Variants in CUEDC1 observed in about 807,000 individuals in gnomAD.
CUEDC1 encodes the protein CUE domain containing 1, also known as CUE domain-containing protein 1.
Under a neutral mutation model 43.7 loss-of-function variants are expected in CUEDC1, and 30 were observed. The ratio of observed to expected loss-of-function variants is 0.69; its 90% CI spans 0.51 to 0.93. The LOEUF (loss-of-function observed/expected upper bound fraction) is 0.93. CUEDC1 is among the 40% of genes least tolerant of loss of function. CUEDC1 has a pLI of 0.00. For missense variants in CUEDC1, 486 were observed against 549.0 expected, an observed-to-expected ratio of 0.89 and a Z score of 1.15; for synonymous variants, 223 against 223.6, an observed-to-expected ratio of 1.00 and a Z score of 0.02.
At chr17:57,916,645 C>G (rs1048636239) in intron 1 of CUEDC1, among the ~76,000 whole-genome samples, 1 of 152,132 alleles carries the variant, frequency 6.6e-6, no homozygotes, top group Admixed American at 6.6e-5. Flanking sequence ...GATCTAGAAG[C>G]CACACTGGGA....
chr17:57,911,806 C>T (rs2074586499), intron 1 of CUEDC1, among the ~76,000 whole-genome samples: 1 of 152,154 alleles, frequency 6.6e-6, no homozygotes, highest in Non-Finnish European at 1.5e-5. Context: ...CGTGCCCGTC[C>T]CTATCAGCTC....
At chr17:57,949,125 C>A (rs1218845261) in intron 1 of CUEDC1, among the ~76,000 whole-genome samples, 1 of 152,180 alleles carries the variant, frequency 6.6e-6, no homozygotes, top group Admixed American at 6.5e-5. Flanking sequence ...GATCAAAAGC[C>A]CAGGAGGCAG....
intron 1 of CUEDC1, among the ~76,000 whole-genome samples, chr17:57,888,668 C>T (rs1024785317): frequency 6.6e-6 from 1 of 152,252 alleles, no homozygotes; most frequent in Non-Finnish European, 1.5e-5. Flanking sequence ...TGACAGCTGC[C>T]TTTGTCCTGG....
At chr17:57,925,886 G>A (rs111761787) in intron 1 of CUEDC1, among the ~76,000 whole-genome samples, 5,530 of 152,318 alleles carry the variant, frequency 0.036, 120 homozygotes, top group Middle Eastern at 0.068. Flanking sequence ...CGAGCTCAGC[G>A]TTCACCTGAC....
At chr17:57,905,618 A>T (rs1220257747) in intron 1 of CUEDC1, among the ~76,000 whole-genome samples, 1 of 152,238 alleles carries the variant, frequency 6.6e-6, no homozygotes, top group Non-Finnish European at 1.5e-5. Flanking sequence ...GGAACCACCC[A>T]CTTGTCTCTC....
intron 1 of CUEDC1, among the ~76,000 whole-genome samples, chr17:57,938,222 C>T (rs758086798): frequency 6.6e-6 from 1 of 152,214 alleles, no homozygotes; most frequent in African/African-American, 2.4e-5. Context: ...CATCCTTTCT[C>T]CATTACACAG....
intron 1 of CUEDC1, among the ~76,000 whole-genome samples, chr17:57,896,487 G>GGGGGGGGGTGGGT (rs375270781): frequency 7.7e-6 from 1 of 130,372 alleles, no homozygotes; most frequent in Non-Finnish European, 1.6e-5. Flanking sequence ...TGCATTATGG[G>GGGGGGGGGTGGGT]GTGTGTGTGT....
chr17:57,945,276 C>T (rs2074950273), intron 1 of CUEDC1, among the ~76,000 whole-genome samples: 1 of 152,176 alleles, frequency 6.6e-6, no homozygotes, highest in Non-Finnish European at 1.5e-5. Flanking sequence ...TCAATGAAAA[C>T]ATCTAAAAAC....
chr17:57,872,511 C>A (rs950302953), intron 5 of CUEDC1, 152 bp downstream of exon 5: 5 of 830,414 alleles, frequency 6.0e-6, no homozygotes, highest in Non-Finnish European at 9.3e-6. Context: ...CTGAGGCTCC[C>A]ATGGGATAAC....
rs538117696 is a variant in CUEDC1 at position 57,925,163 on chromosome 17, A to G, written c.-316+30062T>C. The stretch of plus-strand genomic sequence containing the variant: ...GAGGGAAATATAACCAAATGTTTTC[A>G]GCCGTAGTACTGAAATTATCAGAAT... On this transcript the variant is annotated intron_variant, in intron 1 of 10. Transcript: ENST00000577830. Among the ~76,000 whole-genome samples, 18 of 151,938 alleles carry G rather than the reference A, an allele frequency of 1.2e-4. No homozygotes were observed. The South Asian group carries it at 3.7e-3, about 32-fold the overall frequency.
At chr17:57,871,463 G>A in intron 5 of CUEDC1, 94 bp from the exon 6 acceptor site, 9 of 1,000,480 alleles carry the variant, frequency 9.0e-6, no homozygotes, top group Non-Finnish European at 1.6e-6. Context: ...TAGAGGCTAA[G>A]TCCCCAGAAT....
At chr17:57,867,304 G>A in intron 9 of CUEDC1, 53 bp downstream of exon 9, 2 of 1,513,336 alleles carry the variant, frequency 1.3e-6, no homozygotes, top group South Asian at 2.4e-5. Flanking sequence ...AACTCCGCTG[G>A]GAGATCACCG....
At chr17:57,902,212 CAAAAAACAAAAAAA>C (rs1567711615) in intron 1 of CUEDC1, among the ~76,000 whole-genome samples, 1 of 151,116 alleles carries the variant, frequency 6.6e-6, no homozygotes, top group African/African-American at 2.4e-5. Context: ...AAACAAAAAA[CAAAAAACAAAAAAA>C]ACCATGATGC....
intron 1 of CUEDC1, among the ~76,000 whole-genome samples, chr17:57,915,773 G>C (rs1266686706): frequency 6.6e-6 from 1 of 152,182 alleles, no homozygotes; most frequent in Non-Finnish European, 1.5e-5. Flanking sequence ...GGAACAGAAG[G>C]CTCCCTAATA....
At chr17:57,895,776 A>C (rs1220613739) in intron 1 of CUEDC1, among the ~76,000 whole-genome samples, 2 of 152,148 alleles carry the variant, frequency 1.3e-5, no homozygotes, top group African/African-American at 4.8e-5. Flanking sequence ...CATGCTACCA[A>C]GTCAAAGGGC....
chr17:57,908,087 C>T (rs1293397770), intron 1 of CUEDC1, among the ~76,000 whole-genome samples: 1 of 151,994 alleles, frequency 6.6e-6, no homozygotes, highest in Non-Finnish European at 1.5e-5. Context: ...GACGAAATCT[C>T]GCTCTGTTTC....
intron 1 of CUEDC1, among the ~76,000 whole-genome samples, chr17:57,939,996 C>G (rs1370194443): frequency 6.6e-6 from 1 of 152,024 alleles, no homozygotes; most frequent in African/African-American, 2.4e-5. Context: ...CTTCAATTCC[C>G]CTATGGCTTC....
chr17:57,929,472 G>C (rs9891241), intron 1 of CUEDC1, among the ~76,000 whole-genome samples: 26,471 of 151,984 alleles, frequency 0.17, 3,542 homozygotes, highest in African/African-American at 0.36. Context: ...CAAATAAGTA[G>C]AGAAAAAGAA....
chr17:57,862,100 A>T lies in CUEDC1; in HGVS notation c.*1189T>A, dbSNP rs1053948316. The stretch of plus-strand genomic sequence containing the variant: ...TCGGATGCCACTCCCAACCTCCCAG[A>T]GCCGCGCCGAAGCCTCGTGCCTGCC... On this transcript the variant is annotated 3_prime_UTR_variant, in exon 11 of 11. Coordinates refer to ENST00000577830, the MANE Select transcript of CUEDC1 (RefSeq NM_001271875.2). 2.0e-5 allele frequency: 3 copies of T among 152,168 alleles called. No individual in the cohort carries two copies. The highest frequency in any genetic ancestry group is 7.2e-5 in the African/African-American group (3 of 41,430). The allele number at this position is 152,168 out of a possible 1,614,324, so 9.4% of individuals were successfully genotyped here.
Sources: allele counts gnomAD v4.1 joint callset (sites outside exome capture counted in the v4.1 genomes callset), GRCh38; gene constraint gnomAD v4.1.1; transcripts MANE v1.5; gene names NCBI Gene and HGNC (gene_info 2026-07-23, HGNC 2026-07-21).